PRCP: variants seen among roughly 807,000 people sequenced by gnomAD.
PRCP encodes lysosomal Pro-X carboxypeptidase.
Under a neutral mutation model 54.2 loss-of-function variants are expected in PRCP, and 46 were observed. The observed-to-expected ratio is 0.85, with a 90% CI of 0.67 to 1.09. PRCP has a LOEUF of 1.09. Among genes scored for constraint, PRCP ranks in the 50% least tolerant of loss-of-function variants. The pLI, the probability that PRCP is intolerant of heterozygous loss-of-function variation, is 0.00. For missense variants in PRCP, 613 were observed against 596.8 expected (o/e 1.03, Z -0.28); for synonymous variants, 240 against 212.2 (o/e 1.13, Z -1.14).
chr11:82,828,895 CT>C, intron 8 of PRCP: 1 of 152,300 alleles, frequency 6.6e-6, no homozygotes, highest in South Asian at 2.1e-4. Context: ...GAAGTCTATC[CT>C]TTCCATTGTT....
intron 1 of PRCP, among the ~76,000 whole-genome samples, chr11:82,868,031 T>G (rs1455938203): frequency 1.3e-5 from 2 of 152,218 alleles, no homozygotes; most frequent in Non-Finnish European, 2.9e-5. Context: ...TATGTTCACA[T>G]GATTGAAACA....
rs764479618 is a variant in PRCP at position 82,824,866 on chromosome 11, G to A, written c.*40C>T. On this transcript the variant is annotated 3_prime_UTR_variant, in exon 9 of 9. Transcript: ENST00000313010. ...TCAAAGTGAATGGGAATGTGGTGGT[G>A]TGAACATAAAAGAAGAAATTGAAAA... The A allele has an allele frequency of 2.6e-6, 4 of 1,554,822 alleles. No individual in the cohort carries two copies. The highest frequency in any genetic ancestry group is 3.5e-6 in the Non-Finnish European group (4 of 1,135,104).
At chr11:82,838,365 T>C (rs1275301133) in intron 8 of PRCP, 22 bp downstream of exon 8, 2 of 1,588,648 alleles carry the variant, frequency 1.3e-6, no homozygotes, top group Non-Finnish European at 1.7e-6. Flanking sequence ...CTGAAGTTTA[T>C]CTTTGGACAG....
intron 1 of PRCP, among the ~76,000 whole-genome samples, chr11:82,876,617 T>C (rs1859608359): frequency 6.6e-6 from 1 of 152,202 alleles, no homozygotes; most frequent in Admixed American, 6.5e-5. Flanking sequence ...CAAGATCTGA[T>C]AGGTTTATCA....
At chr11:82,886,591 A>G (rs898872799) in intron 1 of PRCP, among the ~76,000 whole-genome samples, 1 of 152,190 alleles carries the variant, frequency 6.6e-6, no homozygotes, top group African/African-American at 2.4e-5. Flanking sequence ...GTTGAACTAC[A>G]TGAATTAAAT....
At chr11:82,882,494 C>CTTT (rs766453104) in intron 1 of PRCP, among the ~76,000 whole-genome samples, 11 of 127,812 alleles carry the variant, frequency 8.6e-5, no homozygotes, top group African/African-American at 1.8e-4. Context: ...TGAGCCAGTT[C>CTTT]TTTTTTTTTT....
At chr11:82,844,392 C>T (rs1005119282) in intron 6 of PRCP, among the ~76,000 whole-genome samples, 3 of 152,000 alleles carry the variant, frequency 2.0e-5, no homozygotes, top group Admixed American at 6.6e-5. Flanking sequence ...CATTGCACTC[C>T]AGCCTGGGTA....
chr11:82,888,702 G>T (rs1859925505), intron 1 of PRCP, among the ~76,000 whole-genome samples: 1 of 152,160 alleles, frequency 6.6e-6, no homozygotes, highest in Non-Finnish European at 1.5e-5. Flanking sequence ...ATTAAAACAG[G>T]TAGGTCTGTC....
intron 1 of PRCP, among the ~76,000 whole-genome samples, chr11:82,886,947 T>C (rs1859875207): frequency 1.3e-5 from 2 of 152,196 alleles, no homozygotes; most frequent in African/African-American, 2.4e-5. Context: ...ACCGTGTGTA[T>C]GTAAATGGAA....
intron 1 of PRCP, among the ~76,000 whole-genome samples, chr11:82,865,116 G>A (rs1859300218): frequency 6.6e-6 from 1 of 152,096 alleles, no homozygotes; most frequent in Admixed American, 6.6e-5. Context: ...AAAATAAGAA[G>A]GCTGATGCTC....
chr11:82,850,426 G>C lies in PRCP; in HGVS notation c.491C>G (p.Thr164Arg). Residue 164 changes from threonine to arginine, a missense_variant, in exon 4 of 9, where the codon ACA becomes AGA. Transcript: ENST00000313010. Reference sequence around the variant, plus strand: ...AGGTTGATTTTCAGCTCCTGGGATTGTTCTTTTCAAGTGTTTGATTAACTC... The same window carrying C: ...AGGTTGATTTTCAGCTCCTGGGATTCTTCTTTTCAAGTGTTTGATTAACTC... ...FAELIKHLKR[T>R]IPGAENQPVI... is the part of the protein sequence containing the mutation. 4 of 1,607,842 alleles carry C rather than the reference G, an allele frequency of 2.5e-6. No homozygotes were observed. The highest frequency in any genetic ancestry group is 3.4e-6 in the Non-Finnish European group (4 of 1,176,642).
At chr11:82,844,732 C>CAAAAAA (rs11284339) in intron 6 of PRCP, among the ~76,000 whole-genome samples, 1 of 91,194 alleles carries the variant, frequency 1.1e-5, no homozygotes, top group African/African-American at 4.0e-5. Context: ...GGCTCCGTCT[C>CAAAAAA]AAAAAAAAAA....
At chr11:82,863,812 C>G (rs1191976877) in intron 1 of PRCP, among the ~76,000 whole-genome samples, 1 of 152,082 alleles carries the variant, frequency 6.6e-6, no homozygotes, top group Non-Finnish European at 1.5e-5. Context: ...GTGGCCATGC[C>G]CAAGGTACTC....
chr11:82,872,816 A>G (rs1375389546), intron 1 of PRCP, among the ~76,000 whole-genome samples: 1 of 152,212 alleles, frequency 6.6e-6, no homozygotes, highest in African/African-American at 2.4e-5. Flanking sequence ...AGGCCTCTCT[A>G]TGGAGGTGGC....
At chr11:82,900,682 TATC>T (rs199565974), upstream of PRCP, 1,249 of 600,554 alleles carry the variant, frequency 2.1e-3, 9 homozygotes, top group African/African-American at 0.02. Flanking sequence ...AGTCTGCCCT[TATC>T]ATGCTAGGGC....
intron 1 of PRCP, among the ~76,000 whole-genome samples, chr11:82,894,152 T>G (rs1860065724): frequency 6.6e-6 from 1 of 152,168 alleles, no homozygotes; most frequent in African/African-American, 2.4e-5. Context: ...AAATAAGATC[T>G]ACCATCAAGG....
chr11:82,900,629 C>A (rs1346531838), upstream of PRCP: 2 of 686,554 alleles, frequency 2.9e-6, no homozygotes, highest in Non-Finnish European at 5.3e-6. Context: ...TCCTCTCGTG[C>A]CATCTGCTCC....
At chr11:82,857,972 G>A (rs1367695332) in intron 2 of PRCP, among the ~76,000 whole-genome samples, 1 of 152,112 alleles carries the variant, frequency 6.6e-6, no homozygotes, top group Non-Finnish European at 1.5e-5. Flanking sequence ...TTGCTTACAT[G>A]TATGTCACAC....
chr11:82,875,110 A>T (rs761146759), intron 1 of PRCP, among the ~76,000 whole-genome samples: 2 of 152,138 alleles, frequency 1.3e-5, no homozygotes, highest in African/African-American at 2.4e-5. Context: ...GAATAGTGTA[A>T]GGGCTGAACT....
Sources: gnomAD v4.1 joint callset for allele counts (sites outside exome capture counted in the v4.1 genomes callset) on GRCh38, gnomAD v4.1.1 for gene constraint, MANE v1.5 for transcripts, NCBI Gene and HGNC (gene_info 2026-07-23, HGNC 2026-07-21) for gene names.